Variants in EPHA5 observed in about 807,000 individuals in gnomAD.
The protein encoded by EPHA5 is ephrin type-A receptor 5.
EPHA5 carries 60 observed loss-of-function variants against 105.0 expected under a neutral mutation model. The ratio of observed to expected loss-of-function variants is 0.57; its 90% confidence interval spans 0.46 to 0.71. The LOEUF (loss-of-function observed/expected upper bound fraction) is 0.71, where lower values mean the gene tolerates loss of function less well. Ranked by LOEUF, EPHA5 falls within the 30% of genes least tolerant of loss-of-function variation. The pLI is 0.00. For missense variants in EPHA5, 1,218 were observed against 1,274.7 expected, an observed-to-expected ratio of 0.96 and a Z score of 0.68; for synonymous variants, 513 against 449.1, an observed-to-expected ratio of 1.14 and a Z score of -1.80.
chr4:65,467,208 A>C (rs1288659654), intron 5 of EPHA5, among the ~76,000 whole-genome samples: 1 of 152,174 alleles, frequency 6.6e-6, no homozygotes, highest in Non-Finnish European at 1.5e-5. Context: ...GGTGCCAGCC[A>C]GTCAGAATGA....
intron 3 of EPHA5, among the ~76,000 whole-genome samples, chr4:65,517,822 A>T (rs1734255719): frequency 6.6e-6 from 1 of 152,052 alleles, no homozygotes; most frequent in Non-Finnish European, 1.5e-5. Flanking sequence ...CTTTCCAAAA[A>T]AGTTTTTCAA....
intron 5 of EPHA5, among the ~76,000 whole-genome samples, chr4:65,449,560 T>A (rs1218035011): frequency 2.0e-5 from 3 of 152,312 alleles, no homozygotes; most frequent in African/African-American, 7.2e-5. Flanking sequence ...CAAACTGTCG[T>A]ATATTCATAT....
chr4:65,545,570 A>C (rs1483013703), intron 3 of EPHA5, among the ~76,000 whole-genome samples: 2 of 151,950 alleles, frequency 1.3e-5, no homozygotes, highest in Non-Finnish European at 2.9e-5. Context: ...TAGTACAATG[A>C]ATTGACATAA....
chr4:65,628,201 C>T (rs1354575715), intron 2 of EPHA5, among the ~76,000 whole-genome samples: 3 of 152,052 alleles, frequency 2.0e-5, no homozygotes, highest in Admixed American at 1.3e-4. Context: ...TTATTTTTCA[C>T]AGCTATGTCA....
chr4:65,335,439 T>G (rs935912849), intron 15 of EPHA5, among the ~76,000 whole-genome samples: 1 of 152,028 alleles, frequency 6.6e-6, no homozygotes. Flanking sequence ...TAACCAAAAA[T>G]CTGTGTGCAA....
rs941841176 is a variant in EPHA5 at position 65,386,546 on chromosome 4, G to T, written c.1793+17828C>A. 3.3e-5 allele frequency among the ~76,000 whole-genome samples: 5 copies of T among 151,834 alleles called. 1 individual carries two copies. Among genetic ancestry groups the T allele is most frequent in the African/African-American group, 1.2e-4 (5 of 41,448 alleles). On this transcript the variant is annotated intron_variant, in intron 8 of 16. Transcript: ENST00000613740. ...AGATACAAAACATGCACACACAGAG[G>T]CACACAAAATCTTTCTCTCAAACAA...
intron 1 of EPHA5, among the ~76,000 whole-genome samples, chr4:65,661,000 C>T (rs1288929007): frequency 2.0e-5 from 3 of 152,106 alleles, no homozygotes; most frequent in Non-Finnish European, 4.4e-5. Context: ...TCCCAGGCTT[C>T]CTCTGCTCCT....
chr4:65,508,486 T>C (rs78732508), intron 3 of EPHA5, among the ~76,000 whole-genome samples: 8,925 of 152,188 alleles, frequency 0.059, 324 homozygotes, highest in Middle Eastern at 0.15. Flanking sequence ...CATTGTATCA[T>C]AGTTCATTAA....
chr4:65,377,077 A>C, intron 8 of EPHA5: 1 of 1,606,092 alleles, frequency 6.2e-7, no homozygotes, highest in Non-Finnish European at 8.5e-7. Flanking sequence ...AAAAGCAAAC[A>C]AGAGAGCCCA....
chr4:65,392,158 A>C (rs1269846260), intron 8 of EPHA5, among the ~76,000 whole-genome samples: 2 of 152,124 alleles, frequency 1.3e-5, no homozygotes, highest in African/African-American at 2.4e-5. Flanking sequence ...TTTGTCAGTT[A>C]TTAATAAATT....
At chr4:65,653,777 G>T in intron 1 of EPHA5, among the ~76,000 whole-genome samples, 1 of 151,870 alleles carries the variant, frequency 6.6e-6, no homozygotes, top group Non-Finnish European at 1.5e-5. Flanking sequence ...TAAAATAAAA[G>T]TACTTTCATT....
At chr4:65,482,620 G>A (rs910528672) in intron 5 of EPHA5, among the ~76,000 whole-genome samples, 1 of 152,038 alleles carries the variant, frequency 6.6e-6, no homozygotes, top group South Asian at 2.1e-4. Context: ...CTGACCCTTG[G>A]CAATGACATC....
At chr4:65,396,745 G>T (rs764167499) in intron 8 of EPHA5, among the ~76,000 whole-genome samples, 10 of 152,170 alleles carry the variant, frequency 6.6e-5, no homozygotes, top group Non-Finnish European at 1.3e-4. Context: ...TAAAGCACAT[G>T]TCTCTAACTC....
At chr4:65,498,846 T>A (rs1406966518) in intron 3 of EPHA5, among the ~76,000 whole-genome samples, 3 of 151,662 alleles carry the variant, frequency 2.0e-5, no homozygotes, top group Admixed American at 6.6e-5. Flanking sequence ...TTCAATATTA[T>A]CCAAGAAAAA....
chr4:65,344,295 A>C lies in EPHA5; in HGVS notation c.2595+3759T>G, dbSNP rs568148520. ...GCTGGTCTCAGGAGGAAAATAAGAG[A>C]CTTGTGGAGGAGAGCCAAGGCATAC... On this transcript the variant is annotated intron_variant, in intron 14 of 16. Coordinates refer to ENST00000613740, the MANE Select transcript of EPHA5 (RefSeq NM_001281766.3). Among the ~76,000 whole-genome samples, 3 of 152,120 alleles carry C rather than the reference A, an allele frequency of 2.0e-5. No individual in the cohort carries two copies. In the South Asian group the frequency reaches 6.2e-4, roughly 32 times the overall value.
At chr4:65,484,927 TA>T (rs1338755799) in intron 5 of EPHA5, among the ~76,000 whole-genome samples, 1 of 151,964 alleles carries the variant, frequency 6.6e-6, no homozygotes, top group African/African-American at 2.4e-5. Context: ...TCATAAGTCC[TA>T]AAAGAATAGA....
At chr4:65,506,738 A>C (rs1375855328) in intron 3 of EPHA5, among the ~76,000 whole-genome samples, 1 of 151,720 alleles carries the variant, frequency 6.6e-6, no homozygotes, top group Non-Finnish European at 1.5e-5. Flanking sequence ...TTTCTTGTAA[A>C]TTTGTTTGAG....
chr4:65,655,548 T>A (rs1337624543), intron 1 of EPHA5, among the ~76,000 whole-genome samples: 1 of 152,112 alleles, frequency 6.6e-6, no homozygotes, highest in Non-Finnish European at 1.5e-5. Context: ...TAAATCTAAC[T>A]CTCAATCTTT....
rs146400773 is a variant in EPHA5, at chr4:65,585,382, C to A, written c.910+16259G>T. ...AAAACAAAAAAAATCAGAAAACAAC[C>A]AGGTTTTAAATCTTACCTAGGAGTT... On this transcript the variant is annotated intron_variant, in intron 3 of 16. Coordinates refer to ENST00000613740, the MANE Select transcript of EPHA5 (RefSeq NM_001281766.3). Among the ~76,000 whole-genome samples, 7 of 151,240 alleles carry A rather than the reference C, an allele frequency of 4.6e-5. No individual in the cohort carries two copies. The East Asian group carries it at 1.4e-3, about 29-fold the overall frequency.
Sources: gnomAD v4.1 joint callset for allele counts (sites outside exome capture counted in the v4.1 genomes callset) on GRCh38, gnomAD v4.1.1 for gene constraint, MANE v1.5 for transcripts, NCBI Gene and HGNC (gene_info 2026-07-23, HGNC 2026-07-21) for gene names.